Variants in CADM2 observed in about 807,000 individuals in gnomAD.
The protein encoded by CADM2 is immunoglobulin superfamily member 4D.
CADM2 carries 12 observed loss-of-function variants against 49.8 expected under a neutral mutation model. The observed-to-expected ratio is 0.24, with a 90% CI of 0.15 to 0.39. The LOEUF is 0.39. CADM2 is among the 10% of genes least tolerant of loss of function. The pLI, the probability that CADM2 is intolerant of heterozygous loss-of-function variation, is 1.00. For missense variants in CADM2, 378 were observed against 492.3 expected, an observed-to-expected ratio of 0.77 and a Z score of 2.20; for synonymous variants, 214 against 175.4, an observed-to-expected ratio of 1.22 and a Z score of -1.74.
intron 1 of CADM2, among the ~76,000 whole-genome samples, chr3:85,024,623 T>C (rs761668734): frequency 4.5e-4 from 68 of 151,820 alleles, no homozygotes; most frequent in Non-Finnish European, 5.9e-4. Context: ...GTTACTATGA[T>C]ATCGATTTAC....
At chr3:85,699,319 A>T (rs2066672536) in intron 1 of CADM2, among the ~76,000 whole-genome samples, 1 of 152,040 alleles carries the variant, frequency 6.6e-6, no homozygotes, top group Non-Finnish European at 1.5e-5. Context: ...CCCCCTTCTC[A>T]CAGCTCCACT....
chr3:85,272,344 A>G (rs571655824), intron 1 of CADM2, among the ~76,000 whole-genome samples: 1 of 151,412 alleles, frequency 6.6e-6, no homozygotes, highest in Non-Finnish European at 1.5e-5. Context: ...AATTCGTTGT[A>G]CCACATTTTC....
At chr3:85,477,844 C>T (rs2039042541) in intron 1 of CADM2, among the ~76,000 whole-genome samples, 1 of 151,838 alleles carries the variant, frequency 6.6e-6, no homozygotes, top group Admixed American at 6.6e-5. Context: ...CTGGCTGTAT[C>T]CTCATAAACT....
intron 5 of CADM2, among the ~76,000 whole-genome samples, chr3:85,898,004 T>C (rs907304213): frequency 6.6e-6 from 1 of 152,122 alleles, no homozygotes; most frequent in Non-Finnish European, 1.5e-5. Flanking sequence ...TGCCATTTCA[T>C]CCAGAACATG....
intron 1 of CADM2, among the ~76,000 whole-genome samples, chr3:85,202,970 C>T (rs907056017): frequency 6.6e-6 from 1 of 152,170 alleles, no homozygotes; most frequent in African/African-American, 2.4e-5. Context: ...CTGCTAGCTT[C>T]GAACTTTTCT....
At chr3:85,175,211 G>A (rs886255452) in intron 1 of CADM2, among the ~76,000 whole-genome samples, 2 of 152,088 alleles carry the variant, frequency 1.3e-5, no homozygotes, top group African/African-American at 2.4e-5. Flanking sequence ...AAGTTGTATC[G>A]TCATATTTCA....
At chr3:85,609,951 T>C (rs2063633412) in intron 1 of CADM2, among the ~76,000 whole-genome samples, 1 of 152,134 alleles carries the variant, frequency 6.6e-6, no homozygotes, top group Non-Finnish European at 1.5e-5. Context: ...ACTACATTTT[T>C]TTTTAAACTC....
At chr3:85,271,820 T>C (rs1318814048) in intron 1 of CADM2, among the ~76,000 whole-genome samples, 2 of 151,274 alleles carry the variant, frequency 1.3e-5, no homozygotes, top group Admixed American at 6.6e-5. Context: ...AGAACCATTG[T>C]CTTTTGATTA....
At chr3:84,969,321 T>G (rs1240498131) in intron 1 of CADM2, among the ~76,000 whole-genome samples, 2 of 152,140 alleles carry the variant, frequency 1.3e-5, no homozygotes, top group South Asian at 4.1e-4. Flanking sequence ...TAGCATAATT[T>G]TTGAAGCTAT....
At chr3:85,509,978 C>G (rs917282763) in intron 1 of CADM2, among the ~76,000 whole-genome samples, 2 of 151,926 alleles carry the variant, frequency 1.3e-5, no homozygotes, top group Non-Finnish European at 2.9e-5. Flanking sequence ...AATATGCCCT[C>G]TCACAAGAAT....
In CADM2 at chr3:85,673,215, T is replaced by C. The variant is rs76262143; in HGVS notation, c.62-53307T>C. 1.7e-3 allele frequency among the ~76,000 whole-genome samples: 255 copies of C among 152,272 alleles called. 1 individual carries two copies. Among genetic ancestry groups the C allele is most frequent in the African/African-American group, 5.8e-3 (242 of 41,562 alleles). ...TAGGGACAGAAGGTTACCAACAGCA[T>C]GCAAGTAAAAACCTCACTGTCACTT... On this transcript the variant is annotated intron_variant, in intron 1 of 9. Transcript: ENST00000383699.
At chr3:85,221,932 T>C (rs768507010) in intron 1 of CADM2, among the ~76,000 whole-genome samples, 1 of 152,026 alleles carries the variant, frequency 6.6e-6, no homozygotes, top group Non-Finnish European at 1.5e-5. Flanking sequence ...AAATATAGCA[T>C]CCTAGTAAAT....
intron 1 of CADM2, among the ~76,000 whole-genome samples, chr3:84,967,248 T>C (rs1240880914): frequency 1.3e-5 from 2 of 152,138 alleles, no homozygotes; most frequent in African/African-American, 4.8e-5. Flanking sequence ...AAATTGTTTG[T>C]ATTCTAAAAT....
intron 1 of CADM2, among the ~76,000 whole-genome samples, chr3:85,413,957 AG>A (rs1442935344): frequency 6.6e-6 from 1 of 151,984 alleles, no homozygotes; most frequent in Non-Finnish European, 1.5e-5. Context: ...CTCTGCCTCC[AG>A]GGTTCAAGCG....
chr3:85,802,152 G>T lies in CADM2; in HGVS notation c.194G>T (p.Trp65Leu). Residue 65 changes from tryptophan (W) to leucine (L), a missense_variant, in exon 3 of 10, where the codon TGG becomes TTG. Physicochemically the swap from Trp to Leu is moderately conservative, Grantham distance 61 (BLOSUM62 -2). Coordinates refer to ENST00000383699, the MANE Select transcript of CADM2 (RefSeq NM_001167675.2). ...VDQNDNTSLQ[W>L]SNPAQQTLYF... is the part of the protein sequence containing the mutation. ...CAAAATGATAACACCTCCCTCCAGT[G>T]GTCAAATCCAGCTCAACAGACTCTG... 6.2e-7 allele frequency: 1 copy of T among 1,612,636 alleles called. No homozygotes were observed. Among genetic ancestry groups the T allele is most frequent in the Non-Finnish European group, 8.5e-7 (1 of 1,179,248 alleles).
At chr3:85,774,529 C>A (rs1299861874) in intron 2 of CADM2, among the ~76,000 whole-genome samples, 1 of 151,194 alleles carries the variant, frequency 6.6e-6, no homozygotes, top group South Asian at 2.1e-4. Context: ...ATTTTATTAC[C>A]TTTTTTGCAA....
At chr3:85,142,467 G>A (rs1424059260) in intron 1 of CADM2, among the ~76,000 whole-genome samples, 1 of 152,204 alleles carries the variant, frequency 6.6e-6, no homozygotes, top group Non-Finnish European at 1.5e-5. Context: ...GGTGCTGGCA[G>A]AGAGCCACTT....
intron 1 of CADM2, among the ~76,000 whole-genome samples, chr3:85,546,413 C>T (rs2107083466): frequency 6.6e-6 from 1 of 152,268 alleles, no homozygotes; most frequent in Non-Finnish European, 1.5e-5. Context: ...TCTCTTTCCC[C>T]TTGCTGAAAG....
At chr3:85,523,123 GGTAACACAAGGCTTT>G (rs1260294919) in intron 1 of CADM2, among the ~76,000 whole-genome samples, 1 of 152,064 alleles carries the variant, frequency 6.6e-6, no homozygotes, top group Non-Finnish European at 1.5e-5. Context: ...GCTACTTGAA[GGTAACACAAGGCTTT>G]GGGCAGATCC....
Sources: gnomAD v4.1 joint callset for allele counts (sites outside exome capture counted in the v4.1 genomes callset) on GRCh38, gnomAD v4.1.1 for gene constraint, MANE v1.5 for transcripts, NCBI Gene and HGNC (gene_info 2026-07-23, HGNC 2026-07-21) for gene names.